Variants in NBDY observed in about 807,000 individuals in gnomAD.
NBDY encodes the protein negative regulator of P-body association.
chrX:56,797,263 T>C lies in NBDY; in HGVS notation c.*167-20057T>C, dbSNP rs763787359. Among the ~76,000 whole-genome samples, 56 of 108,417 alleles carry C rather than the reference T, an allele frequency of 5.2e-4. 2 individuals are homozygous for C. The South Asian group carries it at 0.022, about 43-fold the overall frequency. 94.1% of individuals were successfully genotyped at this position (108,417 alleles called of 115,157 possible). On this transcript the variant is annotated intron_variant, in intron 2 of 2. Coordinates refer to ENST00000374922, the MANE Select transcript of NBDY (RefSeq NM_001348129.2). ...ACTTCTCTTTTTGCCTTCTTTTTCT[T>C]TCTCTCCTTCTTTTCTATTTCTCCT...
At chrX:56,760,928 G>A (rs2069634609) in intron 2 of NBDY, among the ~76,000 whole-genome samples, 1 of 111,228 alleles carries the variant, frequency 9.0e-6, no homozygotes, top group African/African-American at 3.3e-5. Flanking sequence ...AGGTGTGAGG[G>A]GCTACAGGGT....
chrX:56,742,541 C>T lies in NBDY; in HGVS notation c.*166+10342C>T, dbSNP rs1207582808. On this transcript the variant is annotated intron_variant, in intron 2 of 2. Coordinates refer to ENST00000374922, the MANE Select transcript of NBDY (RefSeq NM_001348129.2). ...TCTACAGTTTTTATTAAAGAGATCTCCCACTTCTTTGGTTGAGTTAATTGC... is the reference window on the plus strand; with the variant it reads ...TCTACAGTTTTTATTAAAGAGATCTTCCACTTCTTTGGTTGAGTTAATTGC... Among the ~76,000 whole-genome samples, 3 of 110,715 alleles carry T rather than the reference C, an allele frequency of 2.7e-5. No individual in the cohort carries two copies. In the East Asian group the frequency reaches 8.5e-4, roughly 31 times the overall value.
chrX:56,808,749 C>T (rs2069868749), intron 2 of NBDY, among the ~76,000 whole-genome samples: 1 of 111,775 alleles, frequency 8.9e-6, no homozygotes, highest in South Asian at 3.7e-4. Context: ...TTTTTCTTGT[C>T]TCTGTATTCT....
chrX:56,758,329 AAAAAG>A (rs1413594566), intron 2 of NBDY, among the ~76,000 whole-genome samples: 1 of 108,818 alleles, frequency 9.2e-6, no homozygotes, highest in Non-Finnish European at 1.9e-5. Context: ...AAAAAAAAAA[AAAAAG>A]AAAGAAAAAA....
At chrX:56,745,411 A>G (rs959050039) in intron 2 of NBDY, among the ~76,000 whole-genome samples, 2 of 110,750 alleles carry the variant, frequency 1.8e-5, no homozygotes, top group Admixed American at 9.7e-5. Flanking sequence ...TAAATACTAT[A>G]TACATATATG....
chrX:56,783,617 G>A (rs762279056), intron 2 of NBDY, among the ~76,000 whole-genome samples: 1 of 112,068 alleles, frequency 8.9e-6, no homozygotes, highest in South Asian at 3.8e-4. Context: ...ACCCCAGTCG[G>A]GGAAACCCTG....
At chrX:56,804,004 G>T (rs1300004845) in intron 2 of NBDY, among the ~76,000 whole-genome samples, 1 of 109,655 alleles carries the variant, frequency 9.1e-6, no homozygotes, top group Non-Finnish European at 1.9e-5. Flanking sequence ...CTATCCTCAA[G>T]AAATCCCACC....
chrX:56,739,626 G>A (rs1286419659), intron 2 of NBDY, among the ~76,000 whole-genome samples: 3 of 110,363 alleles, frequency 2.7e-5, no homozygotes, highest in African/African-American at 9.9e-5. Context: ...AAGCACCACA[G>A]AAGTAATGTA....
chrX:56,767,410 G>A (rs1380017891), intron 2 of NBDY, among the ~76,000 whole-genome samples: 3 of 113,365 alleles, frequency 2.6e-5, no homozygotes, highest in African/African-American at 6.4e-5. Flanking sequence ...GAGCCCCTCA[G>A]CCCGCCGCTA....
Position 56,817,359 on chromosome X carries a change from C to T in NBDY, c.*206C>T, listed in dbSNP as rs1372173674. The stretch of plus-strand genomic sequence containing the variant: ...CAGCGCGATTTCACTTCCTGAATTT[C>T]GATGAATTCTAAGACATGGGCAAGA... On this transcript the variant is annotated 3_prime_UTR_variant, in exon 3 of 3. Transcript: ENST00000374922. The T allele has an allele frequency of 1.8e-5, 2 of 111,652 alleles. No individual in the cohort carries two copies. Among genetic ancestry groups the T allele is most frequent in the African/African-American group, 3.3e-5 (1 of 30,724 alleles). 9.2% of individuals were successfully genotyped at this position (111,652 alleles called of 1,213,427 possible).
chrX:56,811,676 T>G, intron 2 of NBDY, among the ~76,000 whole-genome samples: 1 of 111,860 alleles, frequency 8.9e-6, no homozygotes, highest in Non-Finnish European at 1.9e-5. Context: ...AGCCAGTAGA[T>G]CTTAGCTTGC....
intron 2 of NBDY, among the ~76,000 whole-genome samples, chrX:56,742,855 A>G (rs2069538192): frequency 9.0e-6 from 1 of 111,578 alleles, no homozygotes; most frequent in South Asian, 3.7e-4. Flanking sequence ...GACTTGCAGT[A>G]CTATGTTGAA....
intron 2 of NBDY, among the ~76,000 whole-genome samples, chrX:56,795,341 G>T (rs970016688): frequency 8.9e-6 from 1 of 111,868 alleles, no homozygotes; most frequent in Non-Finnish European, 1.9e-5. Context: ...AATTATGCCG[G>T]CCCTTTAGGG....
chrX:56,810,354 G>A (rs986720526), intron 2 of NBDY, among the ~76,000 whole-genome samples: 1 of 111,141 alleles, frequency 9.0e-6, no homozygotes, highest in South Asian at 3.9e-4. Context: ...TTCCAACTTG[G>A]TTCCATTCTC....
intron 2 of NBDY, among the ~76,000 whole-genome samples, chrX:56,810,697 G>A (rs1470067130): frequency 9.0e-6 from 1 of 110,509 alleles, no homozygotes; most frequent in Admixed American, 9.7e-5. Flanking sequence ...GTTAGAACAT[G>A]TTCCTTTAGC....
intron 2 of NBDY, among the ~76,000 whole-genome samples, chrX:56,798,748 G>T (rs769509186): frequency 8.9e-6 from 1 of 112,144 alleles, no homozygotes; most frequent in East Asian, 2.8e-4. Context: ...CCAAAGAAGG[G>T]CAAAGACTGG....
chrX:56,750,845 GAATGACAATA>G (rs1265837965), intron 2 of NBDY, among the ~76,000 whole-genome samples: 1 of 111,157 alleles, frequency 9.0e-6, no homozygotes, highest in Non-Finnish European at 1.9e-5. Flanking sequence ...TTTTTCTCCT[GAATGACAATA>G]ATAGTTTTCT....
intron 2 of NBDY, among the ~76,000 whole-genome samples, chrX:56,756,215 A>G (rs1164724419): frequency 9.3e-6 from 1 of 108,084 alleles, no homozygotes; most frequent in Non-Finnish European, 1.9e-5. Context: ...TGGGTGCAGC[A>G]CACCAGCATG....
At chrX:56,760,545 C>T (rs1044049501) in intron 2 of NBDY, among the ~76,000 whole-genome samples, 6 of 111,553 alleles carry the variant, frequency 5.4e-5, no homozygotes, top group African/African-American at 2.0e-4. Flanking sequence ...ATTAGCTGGG[C>T]GTGGTGGCAC....
Sources: gnomAD v4.1 joint callset for allele counts (sites outside exome capture counted in the v4.1 genomes callset) on GRCh38, gnomAD v4.1.1 for gene constraint, MANE v1.5 for transcripts, NCBI Gene and HGNC (gene_info 2026-07-23, HGNC 2026-07-21) for gene names.